Variants in USP13 observed in about 807,000 individuals in gnomAD.
The protein encoded by USP13 is ubiquitin specific peptidase 13, also known as ubiquitin carboxyl-terminal hydrolase 13.
USP13 carries 68 observed loss-of-function variants against 107.8 expected under a neutral mutation model. That is an observed-to-expected ratio of 0.63 (90% CI 0.52 to 0.77). USP13 has a LOEUF of 0.77. Ranked by LOEUF, USP13 falls within the 30% of genes least tolerant of loss-of-function variation. USP13 has a pLI of 0.00. For synonymous variants in USP13, 377 were observed against 389.5 expected (o/e 0.97, Z 0.38); for missense variants, 945 against 1,093.3 (o/e 0.86, Z 1.91).
chr3:179,771,350 A>G (rs1715336762), intron 19 of USP13, among the ~76,000 whole-genome samples: 2 of 152,190 alleles, frequency 1.3e-5, no homozygotes, highest in Non-Finnish European at 1.5e-5. Context: ...AGGTTGATTC[A>G]GGCCTGCATT....
At chr3:179,753,582 G>A (rs1168717106) in intron 14 of USP13, among the ~76,000 whole-genome samples, 1 of 152,154 alleles carries the variant, frequency 6.6e-6, no homozygotes, top group East Asian at 1.9e-4. Context: ...AAATGTTCTT[G>A]AATGAACCTG....
At chr3:179,711,691 T>C (rs1237576093) in intron 6 of USP13, among the ~76,000 whole-genome samples, 1 of 152,204 alleles carries the variant, frequency 6.6e-6, no homozygotes, top group African/African-American at 2.4e-5. Context: ...GAAAGTCTTC[T>C]GGGACAATAA....
chr3:179,732,114 G>A (rs1713829540), intron 10 of USP13, among the ~76,000 whole-genome samples: 1 of 152,100 alleles, frequency 6.6e-6, no homozygotes, highest in Admixed American at 6.5e-5. Flanking sequence ...GAGACCAGAG[G>A]GGTATGGGAA....
chr3:179,721,599 T>C lies in USP13; in HGVS notation c.1088+10T>C, dbSNP rs982969309. ...CAGAATTCCAGAGAGCGTAAGTGCC[T>C]TCCATGCAGACCAGGGCACGCGGCA... On this transcript the variant is annotated intron_variant, in intron 8 of 20. Coordinates refer to ENST00000263966, the MANE Select transcript of USP13 (RefSeq NM_003940.3). The surrounding 1 kb of genome is among the most constrained non-coding windows in gnomAD (Gnocchi z 4.3). The C allele has an allele frequency of 3.7e-6, 6 of 1,612,236 alleles. No homozygotes were observed. The East Asian group carries it at 1.1e-4, about 30-fold the overall frequency.
At chr3:179,783,524 A>T (rs1374622032) in intron 20 of USP13, among the ~76,000 whole-genome samples, 1 of 152,202 alleles carries the variant, frequency 6.6e-6, no homozygotes, top group African/African-American at 2.4e-5. Flanking sequence ...GGATTTTTTT[A>T]AAATTCTGGT....
At chr3:179,694,974 G>C (rs1197409049) in intron 3 of USP13, among the ~76,000 whole-genome samples, 1 of 152,164 alleles carries the variant, frequency 6.6e-6, no homozygotes, top group Non-Finnish European at 1.5e-5. Context: ...AGCTGCACAG[G>C]AGACTGGAAA....
In USP13 at chr3:179,682,089, A is replaced by G. The variant is rs1013286647; in HGVS notation, c.294+86A>G. Reference sequence around the variant, plus strand: ...TGCTTTCTCACGTGGAAATTTGACCATGCCCACATAACTTCCGATTCCCTT... The same window carrying G: ...TGCTTTCTCACGTGGAAATTTGACCGTGCCCACATAACTTCCGATTCCCTT... On this transcript the variant is annotated intron_variant, in intron 2 of 20. Coordinates refer to ENST00000263966, the MANE Select transcript of USP13 (RefSeq NM_003940.3). The G allele has an allele frequency of 2.3e-5, 34 of 1,489,400 alleles. No individual in the cohort carries two copies. The African/African-American group carries it at 3.9e-4, about 17-fold the overall frequency. The allele number at this position is 1,489,400 out of a possible 1,614,324, so 92.3% of individuals were successfully genotyped here.
In USP13 at chr3:179,678,836, A is replaced by T. The variant is rs757326838; in HGVS notation, c.169-3042A>T. 1.9e-4 allele frequency among the ~76,000 whole-genome samples: 29 copies of T among 152,176 alleles called. No homozygotes were observed. The highest frequency in any genetic ancestry group is 3.7e-4 in the Non-Finnish European group (25 of 68,036). ...CTGGTCTATTAACTTGTATCCTGTG[A>T]TCTTGCTAAATTCACTTATTGCTCT... On this transcript the variant is annotated intron_variant, in intron 1 of 20. Coordinates refer to ENST00000263966, the MANE Select transcript of USP13 (RefSeq NM_003940.3). This position sits in a 1 kb window ranked among gnomAD's most constrained non-coding sequence, Gnocchi z 4.2.
intron 8 of USP13, among the ~76,000 whole-genome samples, chr3:179,729,706 C>A (rs6775918): frequency 0.7 from 106,975 of 151,938 alleles, 37,896 homozygotes; most frequent in Admixed American, 0.76. Flanking sequence ...TCCTGACCTC[C>A]GATGATCCAC....
At chr3:179,656,868 A>G (rs1290092639) in intron 1 of USP13, among the ~76,000 whole-genome samples, 1 of 152,228 alleles carries the variant, frequency 6.6e-6, no homozygotes, top group African/African-American at 2.4e-5. Context: ...TCTGGTATAT[A>G]TACCAGGAGC....
At position 179,784,319 on chromosome 3, in the gene USP13, A is replaced by G. The variant is rs999982169; in HGVS notation, c.*178A>G. On this transcript the variant is annotated 3_prime_UTR_variant, in exon 21 of 21. Transcript: ENST00000263966. Reference sequence around the variant, plus strand: ...GAAATAGAACTGAGAAGAAATTTCTATTAGTGATGATACACTATTATATTG... The same window carrying G: ...GAAATAGAACTGAGAAGAAATTTCTGTTAGTGATGATACACTATTATATTG... 3.6e-6 allele frequency: 2 copies of G among 549,274 alleles called. No individual in the cohort carries two copies. The highest frequency in any genetic ancestry group is 3.2e-6 in the Non-Finnish European group (1 of 309,684). 34.0% of individuals were successfully genotyped at this position (549,274 alleles called of 1,614,324 possible).
chr3:179,655,559 TTTGTTTTG>T lies in USP13; in HGVS notation c.168+2169_168+2176del, dbSNP rs1417728703. Among the ~76,000 whole-genome samples, 64 of 132,926 alleles carry T rather than the reference TTTGTTTTG, an allele frequency of 4.8e-4. 8 individuals carry two copies. The highest frequency in any genetic ancestry group is 1.7e-3 in the African/African-American group (58 of 34,104). 87.2% of individuals were successfully genotyped at this position (132,926 alleles called of 152,430 possible). A position where few individuals can be genotyped will look rare whatever the true frequency, so the allele number is the denominator to read the frequency against. The stretch of plus-strand genomic sequence containing the variant: ...GTGATAATGGGAAGGTTTTTTTTGT[TTTGTTTTG>T]TTTTTTTTTTGAGTTTTGCTCTTGT... On this transcript the variant is annotated intron_variant, in intron 1 of 20. Coordinates refer to ENST00000263966, the MANE Select transcript of USP13 (RefSeq NM_003940.3).
chr3:179,784,105 G>A lies in USP13; in HGVS notation c.2556G>A (p.Leu852=). The A allele has an allele frequency of 3.7e-6, 6 of 1,613,102 alleles. No homozygotes were observed. The highest frequency in any genetic ancestry group is 5.1e-6 in the Non-Finnish European group (6 of 1,179,750). The change falls in exon 21 of 21, where the codon CTG becomes CTA. Residue 852 remains leucine (L), a synonymous_variant. Transcript: ENST00000263966. ...VCASERPPKD[L]GYMYFYRRIP... ...CCTCAGAAAGGCCCCCTAAAGACCT[G>A]GGCTACATGTACTTTTACCGCAGGA...
intron 19 of USP13, among the ~76,000 whole-genome samples, chr3:179,774,610 G>C (rs1253886447): frequency 6.6e-6 from 1 of 152,204 alleles, no homozygotes; most frequent in East Asian, 1.9e-4. Flanking sequence ...GACCTTTGCA[G>C]TGATTACAGC....
intron 3 of USP13, among the ~76,000 whole-genome samples, chr3:179,698,320 T>C (rs1712391323): frequency 6.6e-6 from 1 of 152,208 alleles, no homozygotes; most frequent in South Asian, 2.1e-4. Flanking sequence ...ATGGCAGATA[T>C]TGTTTGTGGA....
intron 19 of USP13, among the ~76,000 whole-genome samples, chr3:179,780,839 A>G (rs1020348268): frequency 6.6e-6 from 1 of 152,250 alleles, no homozygotes; most frequent in African/African-American, 2.4e-5. Context: ...AAATGTAGTA[A>G]AAGTGGAGCA....
At chr3:179,697,760 G>A (rs1384284020) in intron 3 of USP13, among the ~76,000 whole-genome samples, 1 of 152,088 alleles carries the variant, frequency 6.6e-6, no homozygotes, top group East Asian at 1.9e-4. Flanking sequence ...TGTTCAAGAG[G>A]AACCTTAGAT....
At chr3:179,760,816 A>G (rs1714983301) in intron 16 of USP13, among the ~76,000 whole-genome samples, 2 of 152,142 alleles carry the variant, frequency 1.3e-5, no homozygotes, top group African/African-American at 2.4e-5. Flanking sequence ...GAATGCTCTG[A>G]AATCGTTCTG....
rs1288773944 is a variant in USP13, at chr3:179,786,761, G to A, written c.*2620G>A. 3 of 152,198 alleles carry A rather than the reference G, an allele frequency of 2.0e-5. No homozygotes were observed. Among genetic ancestry groups the A allele is most frequent in the African/African-American group, 7.2e-5 (3 of 41,444 alleles). The allele number at this position is 152,198 out of a possible 1,614,324, so 9.4% of individuals were successfully genotyped here. On this transcript the variant is annotated 3_prime_UTR_variant, in exon 21 of 21. Transcript: ENST00000263966. ...GTGACTGAAAAGTGGAATAACGTGT[G>A]GATTTTGTCAACTCATTATCAGTCT...
Sources: allele counts gnomAD v4.1 joint callset (sites outside exome capture counted in the v4.1 genomes callset), GRCh38; gene constraint gnomAD v4.1.1; non-coding constraint Gnocchi (gnomAD v3.1); transcripts MANE v1.5; gene names NCBI Gene and HGNC (gene_info 2026-07-23, HGNC 2026-07-21).